ACACA: variants seen among roughly 807,000 people sequenced by gnomAD.
The protein encoded by ACACA is acetyl-CoA carboxylase alpha.
ACACA carries 103 observed loss-of-function variants against 296.1 expected under a neutral mutation model. That is an observed-to-expected ratio of 0.35 (90% CI 0.30 to 0.41). The LOEUF is 0.41. Ranked by LOEUF, ACACA falls within the 10% of genes least tolerant of loss-of-function variation. The pLI, the probability that ACACA is intolerant of heterozygous loss-of-function variation, is 1.00. For missense variants in ACACA, 1,554 were observed against 2,989.7 expected (o/e 0.52, Z 11.20); for synonymous variants, 953 against 1,038.6 (o/e 0.92, Z 1.58).
chr17:37,390,036 A>T (rs1430276277), intron 1 of ACACA, among the ~76,000 whole-genome samples: 1 of 143,948 alleles, frequency 6.9e-6, no homozygotes. Flanking sequence ...CTGCAATCCC[A>T]GTGCTTTGGG....
At chr17:37,219,669 T>TA (rs918638304) in intron 29 of ACACA, among the ~76,000 whole-genome samples, 1 of 148,844 alleles carries the variant, frequency 6.7e-6, no homozygotes, top group African/African-American at 2.4e-5. Context: ...TTTATATATA[T>TA]AAAAAACATA....
chr17:37,349,892 T>A (rs1202370084), intron 1 of ACACA, among the ~76,000 whole-genome samples: 1 of 152,158 alleles, frequency 6.6e-6, no homozygotes, highest in Non-Finnish European at 1.5e-5. Flanking sequence ...AAGGGAAAAG[T>A]ATCTTTACAA....
chr17:37,093,898 T>C (rs2072809115), intron 54 of ACACA, among the ~76,000 whole-genome samples: 1 of 152,218 alleles, frequency 6.6e-6, no homozygotes, highest in Non-Finnish European at 1.5e-5. Context: ...TTAAATAATA[T>C]GCCCATGCCA....
At chr17:37,359,495 G>A in intron 1 of ACACA, among the ~76,000 whole-genome samples, 1 of 151,874 alleles carries the variant, frequency 6.6e-6, no homozygotes, top group Non-Finnish European at 1.5e-5. Flanking sequence ...TGCCACAGCC[G>A]GGTACGGGGC....
chr17:37,388,296 T>C (rs2050638032), intron 1 of ACACA, among the ~76,000 whole-genome samples: 1 of 152,168 alleles, frequency 6.6e-6, no homozygotes, highest in African/African-American at 2.4e-5. Flanking sequence ...CCATAAAATG[T>C]GTCAGAGCAA....
At chr17:37,375,667 T>A (rs1027135794) in intron 1 of ACACA, among the ~76,000 whole-genome samples, 4 of 152,180 alleles carry the variant, frequency 2.6e-5, no homozygotes, top group African/African-American at 9.6e-5. Context: ...GCTCTAGAAA[T>A]TATATTCCTT....
At position 37,129,284 on chromosome 17, in the gene ACACA, G is replaced by A; in HGVS notation, c.5944+81C>T. On this transcript the variant is annotated intron_variant, in intron 47 of 55. Coordinates refer to ENST00000616317, the MANE Select transcript of ACACA (RefSeq NM_198834.3). ...TCTGTTTTCTTAGTCACATGTGATT[G>A]TTCAGGAATTGGATAGTGATTGAAA... is the stretch of plus-strand genomic sequence containing the variant. 4 of 1,568,818 alleles carry A rather than the reference G, an allele frequency of 2.5e-6. No individual in the cohort carries two copies. In the South Asian group the frequency reaches 4.5e-5, roughly 18 times the overall value.
chr17:37,346,701 C>CAAAAAA (rs1233696565), intron 1 of ACACA, among the ~76,000 whole-genome samples: 5 of 36,690 alleles, frequency 1.4e-4, no homozygotes, highest in South Asian at 1.2e-3. Context: ...GACTCCATCT[C>CAAAAAA]AAAAAAAAAA....
chr17:37,113,591 T>C lies in ACACA; in HGVS notation c.6275-326A>G, dbSNP rs1338118514. ...TTAATTCACATTTGCTCTACAAACGTTGAGTATTTTTCATGTCAATATGTG... is the reference window on the plus strand; with the variant it reads ...TTAATTCACATTTGCTCTACAAACGCTGAGTATTTTTCATGTCAATATGTG... On this transcript the variant is annotated intron_variant, in intron 50 of 55. Coordinates refer to ENST00000616317, the MANE Select transcript of ACACA (RefSeq NM_198834.3). This position sits in a 1 kb window ranked among gnomAD's most constrained non-coding sequence, Gnocchi z 4.0. Among the ~76,000 whole-genome samples the C allele has an allele frequency of 6.6e-6, 1 of 152,204 alleles. No individual in the cohort carries two copies. The highest frequency in any genetic ancestry group is 1.5e-5 in the Non-Finnish European group (1 of 68,028).
At chr17:37,213,303 C>T (rs755207886) in intron 29 of ACACA, among the ~76,000 whole-genome samples, 59 of 138,948 alleles carry the variant, frequency 4.2e-4, no homozygotes, top group Middle Eastern at 4.0e-3. Context: ...TGCAGTGAGC[C>T]AAGATCATGC....
intron 1 of ACACA, among the ~76,000 whole-genome samples, chr17:37,343,500 C>T (rs1331360750): frequency 6.6e-6 from 1 of 152,040 alleles, no homozygotes; most frequent in Non-Finnish European, 1.5e-5. Flanking sequence ...GGTGCAGTGG[C>T]TCATGCCTGT....
At chr17:37,258,118 A>G (rs1359128602) in intron 13 of ACACA, 94 bp downstream of exon 13, 1 of 1,447,694 alleles carries the variant, frequency 6.9e-7, no homozygotes, top group African/African-American at 1.4e-5. Context: ...ACTCCAGAGG[A>G]AGTCCCAAGA....
chr17:37,308,514 T>G (rs562155728), intron 3 of ACACA, among the ~76,000 whole-genome samples: 12 of 152,338 alleles, frequency 7.9e-5, no homozygotes, highest in African/African-American at 2.6e-4. Flanking sequence ...ACAAACTTTA[T>G]GCCAATAAAT....
intron 1 of ACACA, among the ~76,000 whole-genome samples, chr17:37,379,567 C>T (rs1042887496): frequency 6.6e-6 from 1 of 152,102 alleles, no homozygotes. Context: ...AGCCCTTTGT[C>T]AGATGAGTAG....
chr17:37,105,067 A>G (rs1481377546), intron 52 of ACACA, among the ~76,000 whole-genome samples: 1 of 151,942 alleles, frequency 6.6e-6, no homozygotes. Context: ...GGTCAGCCCT[A>G]GTCTGTGTAT....
At chr17:37,254,750 G>A (rs1393007665) in intron 14 of ACACA, among the ~76,000 whole-genome samples, 2 of 151,924 alleles carry the variant, frequency 1.3e-5, no homozygotes, top group East Asian at 1.9e-4. Flanking sequence ...TTGGGAGGCC[G>A]AGTTGGGCAG....
chr17:37,341,328 G>A (rs2048362717), intron 1 of ACACA, among the ~76,000 whole-genome samples: 2 of 152,084 alleles, frequency 1.3e-5, no homozygotes, highest in Admixed American at 6.6e-5. Context: ...CCATAGTTTT[G>A]TAAATTTTTG....
chr17:37,183,025 T>C (rs1225666219), intron 39 of ACACA, among the ~76,000 whole-genome samples: 3 of 152,130 alleles, frequency 2.0e-5, no homozygotes, highest in Non-Finnish European at 2.9e-5. Flanking sequence ...GTAAAAGCAA[T>C]AATGTTTTAA....
chr17:37,200,034 G>T, intron 35 of ACACA, 105 bp downstream of exon 35: 1 of 810,512 alleles, frequency 1.2e-6, no homozygotes, highest in South Asian at 1.6e-5. Flanking sequence ...AAAAGAAGAA[G>T]GATCAAATAT....
Sources: gnomAD v4.1 joint callset for allele counts (sites outside exome capture counted in the v4.1 genomes callset) on GRCh38, gnomAD v4.1.1 for gene constraint, Gnocchi (gnomAD v3.1) non-coding constraint, MANE v1.5 for transcripts, NCBI Gene and HGNC (gene_info 2026-07-23, HGNC 2026-07-21) for gene names.